Variants in HIVEP3 observed in about 807,000 individuals in gnomAD.
HIVEP3 encodes the protein HIVEP zinc finger 3.
HIVEP3 carries 49 observed loss-of-function variants against 152.8 expected under a neutral mutation model. That is an observed-to-expected ratio of 0.32 (90% CI 0.26 to 0.41). The LOEUF is 0.41. Among genes scored for constraint, HIVEP3 ranks in the 10% least tolerant of loss-of-function variants. HIVEP3 has a pLI of 1.00. For missense variants in HIVEP3, 2,790 were observed against 3,103.3 expected (o/e 0.90, Z 2.40); for synonymous variants, 1,269 against 1,289.0 (o/e 0.98, Z 0.33).
intron 1 of HIVEP3, among the ~76,000 whole-genome samples, chr1:42,018,365 A>C (rs1291723526): frequency 7.0e-6 from 1 of 141,916 alleles, no homozygotes; most frequent in Non-Finnish European, 1.6e-5. Flanking sequence ...TGTCTTACCT[A>C]ATATATATAG....
Position 41,580,672 on chromosome 1 carries a change from C to T in HIVEP3, c.4126G>A (p.Val1376Ile), listed in dbSNP as rs771953401. 43 of 1,613,228 alleles carry T rather than the reference C, an allele frequency of 2.7e-5. No individual in the cohort carries two copies. The highest frequency in any genetic ancestry group is 1.2e-4 in the Admixed American group (7 of 59,958). The part of the protein sequence containing the change: ...TTVCGADVHE[V>I]GPGPSGLSEE... The stretch of plus-strand genomic sequence containing the variant: ...CTTAACCCAGAAGGGCCGGGCCCAA[C>T]CTCATGCACATCTGCACCACATACA... Residue 1376 changes from valine (V) to isoleucine (I), a missense_variant, in exon 4 of 9, where the codon GTT becomes ATT. Transcript: ENST00000372583.
intron 2 of HIVEP3, among the ~76,000 whole-genome samples, chr1:41,692,173 G>C (rs1340368082): frequency 6.6e-6 from 1 of 152,212 alleles, no homozygotes; most frequent in Non-Finnish European, 1.5e-5. Context: ...CCTAATGTGC[G>C]TGTTCCCAGA....
intron 1 of HIVEP3, among the ~76,000 whole-genome samples, chr1:41,878,899 C>G (rs1421517127): frequency 7.3e-6 from 1 of 136,742 alleles, no homozygotes; most frequent in East Asian, 2.6e-4. Flanking sequence ...TTTTTTCCTA[C>G]CTTTCCTTTC....
intron 1 of HIVEP3, among the ~76,000 whole-genome samples, chr1:41,729,137 C>G (rs1646801093): frequency 6.6e-6 from 1 of 152,226 alleles, no homozygotes; most frequent in African/African-American, 2.4e-5. Context: ...TCAGGGGTTC[C>G]ATTCAGGGAG....
intron 1 of HIVEP3, among the ~76,000 whole-genome samples, chr1:41,803,299 G>A (rs954081414): frequency 1.2e-4 from 18 of 152,298 alleles, no homozygotes; most frequent in African/African-American, 4.3e-4. Flanking sequence ...TTTCACAGGC[G>A]AAAAAGTCTT....
At chr1:41,545,039 T>TCACC (rs1558047569) in intron 5 of HIVEP3, among the ~76,000 whole-genome samples, 1 of 17,864 alleles carries the variant, frequency 5.6e-5, no homozygotes, top group African/African-American at 2.3e-4. Context: ...CCACCACCAA[T>TCACC]ACCACTACCA....
chr1:41,672,956 G>A (rs571445406), intron 2 of HIVEP3, among the ~76,000 whole-genome samples: 10 of 152,356 alleles, frequency 6.6e-5, no homozygotes, highest in East Asian at 1.9e-4. Flanking sequence ...CTGACGTTAC[G>A]TATGGTTTTA....
At chr1:41,917,687 G>C (rs986973842) in intron 1 of HIVEP3, among the ~76,000 whole-genome samples, 2 of 152,156 alleles carry the variant, frequency 1.3e-5, no homozygotes, top group African/African-American at 4.8e-5. Context: ...TTAAAAGATA[G>C]TAAAATGTGG....
intron 1 of HIVEP3, among the ~76,000 whole-genome samples, chr1:41,953,068 G>A (rs1171715395): frequency 6.6e-6 from 1 of 152,148 alleles, no homozygotes; most frequent in Non-Finnish European, 1.5e-5. Context: ...TCCTGGTTAT[G>A]GGCTGTGGAT....
rs767977556 is a variant in HIVEP3 at position 41,581,711 on chromosome 1, C to T, written c.3087G>A (p.Val1029=). Residue 1029 remains valine (V), a synonymous_variant, in exon 4 of 9, where the codon GTG becomes GTA. Coordinates refer to ENST00000372583, the MANE Select transcript of HIVEP3 (RefSeq NM_024503.5). The surrounding 1 kb of genome is among the most constrained non-coding windows in gnomAD (Gnocchi z 4.5). ...SLTGPSAPAP[V]APPARVAPPE... ...GCGGGGCCACCCGCGCTGGTGGAGC[C>T]ACTGGGGCTGGAGCAGAAGGGCCTG... 9 of 1,612,774 alleles carry T rather than the reference C, an allele frequency of 5.6e-6. No homozygotes were observed. In the Admixed American group the frequency reaches 1.5e-4, roughly 27 times the overall value.
chr1:41,883,761 G>A (rs1446202840), intron 1 of HIVEP3, among the ~76,000 whole-genome samples: 1 of 152,052 alleles, frequency 6.6e-6, no homozygotes, highest in Non-Finnish European at 1.5e-5. Flanking sequence ...TCACAACTTT[G>A]CTGCCAGCTT....
Position 41,583,155 on chromosome 1 carries a change from C to T in HIVEP3, c.1643G>A (p.Cys548Tyr), listed in dbSNP as rs527842649. ...LRSHSMPSAACTISTPHHPFR... is the reference protein window; with the variant it reads ...LRSHSMPSAAYTISTPHHPFR... ...GGGGTGGTGGGGGGTGCTGATAGTG[C>T]AGGCGGCAGAAGGCATTGAGTGGCT... The change falls in exon 4 of 9, where the codon TGC becomes TAC. Residue 548 changes from cysteine to tyrosine, a missense_variant. By Grantham distance (194) the Cys-to-Tyr change is radical. Coordinates refer to ENST00000372583, the MANE Select transcript of HIVEP3 (RefSeq NM_024503.5). The surrounding 1 kb of genome is among the most constrained non-coding windows in gnomAD (Gnocchi z 6.9). 8.7e-6 allele frequency: 14 copies of T among 1,612,278 alleles called. No homozygotes were observed. The highest frequency in any genetic ancestry group is 3.3e-5 in the Admixed American group (2 of 59,948).
intron 1 of HIVEP3, among the ~76,000 whole-genome samples, chr1:42,015,394 A>G (rs1557562709): frequency 6.6e-6 from 1 of 152,214 alleles, no homozygotes; most frequent in Non-Finnish European, 1.5e-5. Flanking sequence ...GCCTAAATAC[A>G]GGGGCATGGG....
intron 3 of HIVEP3, among the ~76,000 whole-genome samples, chr1:41,586,245 G>A (rs1192880671): frequency 6.6e-6 from 1 of 152,206 alleles, no homozygotes; most frequent in African/African-American, 2.4e-5. Flanking sequence ...TGCAAGCAGG[G>A]CAGTCTCAGC....
intron 1 of HIVEP3, among the ~76,000 whole-genome samples, chr1:41,794,549 T>C (rs1373471738): frequency 6.6e-6 from 1 of 152,186 alleles, no homozygotes; most frequent in Non-Finnish European, 1.5e-5. Context: ...TAACAGTGGT[T>C]GTTTACCATG....
chr1:41,573,449 T>C (rs35838395), intron 5 of HIVEP3, among the ~76,000 whole-genome samples: 1 of 152,128 alleles, frequency 6.6e-6, no homozygotes, highest in Non-Finnish European at 1.5e-5. Flanking sequence ...TGGTCCCAGC[T>C]TGAGATAGCC....
chr1:41,634,716 A>G (rs1428645143), intron 2 of HIVEP3, among the ~76,000 whole-genome samples: 1 of 152,194 alleles, frequency 6.6e-6, no homozygotes. Context: ...TATCAGACAA[A>G]ATGCAAAAAT....
chr1:41,610,919 G>A (rs1644887974), intron 3 of HIVEP3, among the ~76,000 whole-genome samples: 1 of 152,158 alleles, frequency 6.6e-6, no homozygotes, highest in African/African-American at 2.4e-5. Flanking sequence ...CTCCCACTCT[G>A]TGCTCCCTGA....
chr1:41,837,628 C>T (rs573453049), intron 1 of HIVEP3, among the ~76,000 whole-genome samples: 29 of 152,300 alleles, frequency 1.9e-4, no homozygotes, highest in Admixed American at 7.2e-4. Flanking sequence ...GCCCGGCCTG[C>T]TCTTTTGTCT....
Sources: allele counts gnomAD v4.1 joint callset (sites outside exome capture counted in the v4.1 genomes callset), GRCh38; gene constraint gnomAD v4.1.1; non-coding constraint Gnocchi (gnomAD v3.1); transcripts MANE v1.5; gene names NCBI Gene and HGNC (gene_info 2026-07-23, HGNC 2026-07-21).